GPR158: variants seen among roughly 807,000 people sequenced by gnomAD.
The protein encoded by GPR158 is G protein-coupled receptor 158.
Under a neutral mutation model 78.2 loss-of-function variants are expected in GPR158, and 30 were observed. The observed-to-expected ratio is 0.38, with a 90% CI of 0.29 to 0.52. The LOEUF (loss-of-function observed/expected upper bound fraction) is 0.52. Ranked by LOEUF, GPR158 falls within the 20% of genes least tolerant of loss-of-function variation. The pLI, the probability that GPR158 is intolerant of heterozygous loss-of-function variation, is 0.83. For synonymous variants in GPR158, 581 were observed against 591.1 expected (o/e 0.98, Z 0.25); for missense variants, 1,463 against 1,523.5 (o/e 0.96, Z 0.66).
chr10:25,187,112 C>A (rs1031130314), intron 1 of GPR158, among the ~76,000 whole-genome samples: 6 of 151,920 alleles, frequency 3.9e-5, no homozygotes, highest in African/African-American at 1.5e-4. Flanking sequence ...CTACAGGCGC[C>A]CGCCATCACG....
intron 6 of GPR158, among the ~76,000 whole-genome samples, chr10:25,569,005 CTTT>C (rs1481230873): frequency 6.6e-6 from 1 of 152,162 alleles, no homozygotes; most frequent in Admixed American, 6.5e-5. Flanking sequence ...CTCTAGGCTT[CTTT>C]TAAGACAATC....
In GPR158 at chr10:25,598,426, C is replaced by A. The variant is rs147537022; in HGVS notation, c.2800C>A (p.Pro934Thr). 2.2e-5 allele frequency: 36 copies of A among 1,613,918 alleles called. No individual in the cohort carries two copies. The highest frequency in any genetic ancestry group is 1.0e-4 in the Admixed American group (6 of 59,974). Residue 934 changes from proline to threonine, a missense_variant, in exon 11 of 11, where the codon CCT (proline) becomes ACT (threonine). Transcript: ENST00000376351. ...GGAAGAACGCACTAAATCCCAGAAA[C>A]CTTTGCCAAAAGATAAAGAGACAAA... ...GVEERTKSQK[P>T]LPKDKETNRN...
At chr10:25,501,436 T>C (rs1835945249) in intron 5 of GPR158, among the ~76,000 whole-genome samples, 1 of 152,240 alleles carries the variant, frequency 6.6e-6, no homozygotes, top group African/African-American at 2.4e-5. Context: ...CTTTATATGT[T>C]TACTCATGTA....
chr10:25,180,539 C>T (rs1254733228), intron 1 of GPR158, among the ~76,000 whole-genome samples: 1 of 152,314 alleles, frequency 6.6e-6, no homozygotes, highest in East Asian at 1.9e-4. Flanking sequence ...GTGATATACA[C>T]TTACTCTTTT....
intron 7 of GPR158, among the ~76,000 whole-genome samples, chr10:25,577,986 G>A (rs1837128293): frequency 6.6e-6 from 1 of 152,122 alleles, no homozygotes; most frequent in Non-Finnish European, 1.5e-5. Flanking sequence ...TTCATCTGGT[G>A]GAAAGAGTTT....
intron 6 of GPR158, among the ~76,000 whole-genome samples, chr10:25,552,739 C>T (rs143308964): frequency 4.7e-4 from 72 of 152,284 alleles, no homozygotes; most frequent in African/African-American, 1.7e-3. Context: ...ATAACCCATT[C>T]ATATTCCCCT....
chr10:25,550,088 T>C (rs1836708897), intron 5 of GPR158, among the ~76,000 whole-genome samples: 1 of 152,208 alleles, frequency 6.6e-6, no homozygotes, highest in African/African-American at 2.4e-5. Flanking sequence ...CACAGTAGCA[T>C]ATGAAGAGTA....
chr10:25,539,337 T>C (rs924976060), intron 5 of GPR158, among the ~76,000 whole-genome samples: 3 of 152,078 alleles, frequency 2.0e-5, no homozygotes, highest in Non-Finnish European at 4.4e-5. Context: ...TGAATGAAAA[T>C]CTTTCCTTGT....
intron 2 of GPR158, among the ~76,000 whole-genome samples, chr10:25,358,597 T>A (rs1337643896): frequency 6.6e-6 from 1 of 152,088 alleles, no homozygotes; most frequent in Non-Finnish European, 1.5e-5. Flanking sequence ...AAGATGTGAC[T>A]TGCTCCTCCT....
At chr10:25,372,272 G>A (rs1441629473) in intron 2 of GPR158, among the ~76,000 whole-genome samples, 5 of 151,994 alleles carry the variant, frequency 3.3e-5, no homozygotes, top group African/African-American at 4.8e-5. Flanking sequence ...ACTATAAACT[G>A]GTTCAACCAT....
chr10:25,225,740 A>C (rs1282491311), intron 2 of GPR158, among the ~76,000 whole-genome samples: 1 of 152,088 alleles, frequency 6.6e-6, no homozygotes, highest in Non-Finnish European at 1.5e-5. Context: ...ATATTGCTCT[A>C]AGACAGTTTC....
At chr10:25,317,941 A>G (rs527513342) in intron 2 of GPR158, among the ~76,000 whole-genome samples, 1 of 152,012 alleles carries the variant, frequency 6.6e-6, no homozygotes, top group African/African-American at 2.4e-5. Context: ...TTTGGCCAGG[A>G]TGGTCTCAAC....
intron 2 of GPR158, among the ~76,000 whole-genome samples, chr10:25,313,595 A>G (rs571096219): frequency 9.6e-4 from 146 of 152,244 alleles, no homozygotes; most frequent in African/African-American, 3.3e-3. Flanking sequence ...TATGGCCATA[A>G]TGATGTCATT....
intron 5 of GPR158, among the ~76,000 whole-genome samples, chr10:25,497,194 C>G (rs1588887613): frequency 6.6e-6 from 1 of 152,184 alleles, no homozygotes; most frequent in Admixed American, 6.6e-5. Flanking sequence ...ATAACGGAAG[C>G]TAATGTTTCC....
At chr10:25,340,853 G>GGAAGTACTATTAACTCCAAA (rs1261486854) in intron 2 of GPR158, among the ~76,000 whole-genome samples, 1 of 151,916 alleles carries the variant, frequency 6.6e-6, no homozygotes, top group East Asian at 1.9e-4. Flanking sequence ...TCAAGCCACA[G>GGAAGTACTATTAACTCCAAA]GAAGTACTAT....
intron 1 of GPR158, among the ~76,000 whole-genome samples, chr10:25,189,118 CAA>C (rs1852732758): frequency 6.6e-6 from 1 of 151,996 alleles, no homozygotes; most frequent in Non-Finnish European, 1.5e-5. Flanking sequence ...GGCGATCATT[CAA>C]AAGTCAGGAA....
chr10:25,581,069 C>T (rs1050742736), intron 7 of GPR158, among the ~76,000 whole-genome samples: 16 of 150,516 alleles, frequency 1.1e-4, no homozygotes, highest in South Asian at 2.1e-4. Context: ...GGACTACAGG[C>T]GCCCGCCACC....
At chr10:25,187,133 T>G (rs1043608450) in intron 1 of GPR158, among the ~76,000 whole-genome samples, 1 of 151,836 alleles carries the variant, frequency 6.6e-6, no homozygotes, top group Non-Finnish European at 1.5e-5. Context: ...CCCGGCTATT[T>G]TTTTTGTATT....
intron 2 of GPR158, among the ~76,000 whole-genome samples, chr10:25,290,865 T>C (rs1166101979): frequency 1.3e-5 from 2 of 152,104 alleles, no homozygotes; most frequent in African/African-American, 4.8e-5. Flanking sequence ...AAATGTACTC[T>C]ATGCCTTTGA....
Sources: gnomAD v4.1 joint callset for allele counts (sites outside exome capture counted in the v4.1 genomes callset) on GRCh38, gnomAD v4.1.1 for gene constraint, MANE v1.5 for transcripts, NCBI Gene and HGNC (gene_info 2026-07-23, HGNC 2026-07-21) for gene names.